ADGRG2: variants seen among roughly 807,000 people sequenced by gnomAD.
The protein encoded by ADGRG2 is adhesion G protein-coupled receptor G2, also known as G protein-coupled receptor 64.
Under a neutral mutation model 74.1 loss-of-function variants are expected in ADGRG2, and 26 were observed. That is an observed-to-expected ratio of 0.35 (90% CI 0.26 to 0.49). The LOEUF is 0.49. Ranked by LOEUF, ADGRG2 falls within the 20% of genes least tolerant of loss-of-function variation. The pLI, the probability that ADGRG2 is intolerant of heterozygous loss-of-function variation, is 0.99. For synonymous variants in ADGRG2, 296 were observed against 295.2 expected (o/e 1.00, Z -0.03); for missense variants, 619 against 763.1 (o/e 0.81, Z 2.22).
At chrX:19,111,129 G>A (rs1026315530) in intron 1 of ADGRG2, among the ~76,000 whole-genome samples, 6 of 111,731 alleles carry the variant, frequency 5.4e-5, no homozygotes, top group Non-Finnish European at 9.4e-5. Flanking sequence ...GAGCCTGAAC[G>A]ATGGAGTGAA....
In ADGRG2 at chrX:18,999,032, A is replaced by G; in HGVS notation, c.2578T>C (p.Phe860Leu). 1 of 1,207,884 alleles carries G rather than the reference A, an allele frequency of 8.3e-7. No homozygotes were observed. The highest frequency in any genetic ancestry group is 1.1e-6 in the Non-Finnish European group (1 of 892,302). Residue 860 changes from phenylalanine to leucine, a missense_variant, in exon 26 of 29, where the codon TTC (phenylalanine) becomes CTC (leucine). Coordinates refer to ENST00000379869, the MANE Select transcript of ADGRG2 (RefSeq NM_001079858.3). ...TTAAAGATGGCAAACAGATACATGA[A>G]GGTCACGTTAACTGGTCCCCAGGCA... ...FFAWGPVNVT[F>L]MYLFAIFNTL...
At chrX:19,075,617 C>CAAAAAAAAAAAA (rs61690480) in intron 2 of ADGRG2, among the ~76,000 whole-genome samples, 14 of 39,373 alleles carry the variant, frequency 3.6e-4, no homozygotes, top group Non-Finnish European at 4.4e-4. Flanking sequence ...GACTTCGCCT[C>CAAAAAAAAAAAA]AAAAAAAAAA....
chrX:19,027,182 A>T, intron 11 of ADGRG2, 37 bp downstream of exon 11: 1 of 907,610 alleles, frequency 1.1e-6, no homozygotes, highest in Non-Finnish European at 1.6e-6. Context: ...TCCATAGTTG[A>T]TGTCTGCAGT....
At chrX:19,054,769 C>T (rs112483845) in intron 3 of ADGRG2, among the ~76,000 whole-genome samples, 2 of 112,162 alleles carry the variant, frequency 1.8e-5, no homozygotes, top group African/African-American at 3.2e-5. Flanking sequence ...TTCTAATTAA[C>T]GTGGGACAGA....
chrX:19,097,361 A>C (rs2062114704), intron 1 of ADGRG2, among the ~76,000 whole-genome samples: 1 of 112,333 alleles, frequency 8.9e-6, no homozygotes, highest in Admixed American at 9.4e-5. Flanking sequence ...AAATACAAAA[A>C]TTAGCCAGGC....
intron 4 of ADGRG2, chrX:19,039,356 G>A (rs2061009161): frequency 3.1e-6 from 1 of 327,668 alleles, no homozygotes; most frequent in Non-Finnish European, 5.9e-6. Flanking sequence ...CAGATACATA[G>A]TAGTGCATGA....
At chrX:19,033,465 T>C (rs2060869615) in intron 8 of ADGRG2, 148 bp downstream of exon 8, 1 of 392,810 alleles carries the variant, frequency 2.5e-6, no homozygotes, top group Admixed American at 5.3e-5. Context: ...CAATTTCAGG[T>C]ACCCAGTGCA....
At chrX:19,032,004 T>G (rs747712442) in intron 8 of ADGRG2, 10 of 112,481 alleles carry the variant, frequency 8.9e-5, no homozygotes, top group Non-Finnish European at 1.5e-4. Flanking sequence ...TTGTTAGGTC[T>G]TGTTTGGTCA....
intron 27 of ADGRG2, 136 bp from the exon 28 acceptor site, chrX:18,995,184 G>A (rs1039565755): frequency 8.6e-5 from 37 of 430,008 alleles, no homozygotes; most frequent in Non-Finnish European, 4.4e-5. Context: ...CCTTCCACCA[G>A]TTGGTGTGAT....
At chrX:19,077,443 G>A (rs2061770410) in intron 2 of ADGRG2, among the ~76,000 whole-genome samples, 1 of 105,364 alleles carries the variant, frequency 9.5e-6, no homozygotes, top group African/African-American at 3.5e-5. Context: ...GAACCCAGGA[G>A]GCAGAGGTTG....
intron 1 of ADGRG2, among the ~76,000 whole-genome samples, chrX:19,101,101 T>TTGTGTGTGTGTGTGTG (rs10579733): frequency 2.2e-5 from 2 of 89,823 alleles, no homozygotes; most frequent in African/African-American, 8.2e-5. Context: ...AATCATGAGA[T>TTGTGTGTGTGTGTGTG]TGTGTGTGTG....
At chrX:19,120,695 G>C (rs991330372) in intron 1 of ADGRG2, among the ~76,000 whole-genome samples, 1 of 111,889 alleles carries the variant, frequency 8.9e-6, no homozygotes, top group East Asian at 2.8e-4. Flanking sequence ...AAATGAAAAG[G>C]AGAGGCCCCT....
intron 1 of ADGRG2, among the ~76,000 whole-genome samples, chrX:19,094,862 G>A (rs2147007695): frequency 8.9e-6 from 1 of 112,549 alleles, no homozygotes; most frequent in East Asian, 2.8e-4. Flanking sequence ...AGGGAACTTG[G>A]CTGCAGCCCC....
chrX:19,058,957 A>G (rs766753552), intron 3 of ADGRG2, among the ~76,000 whole-genome samples: 1 of 112,553 alleles, frequency 8.9e-6, no homozygotes, highest in African/African-American at 3.2e-5. Context: ...ATCACTCTTT[A>G]TCTTTATACA....
chrX:19,070,000 G>A (rs1036216509), intron 2 of ADGRG2, among the ~76,000 whole-genome samples: 1 of 112,090 alleles, frequency 8.9e-6, no homozygotes, highest in African/African-American at 3.2e-5. Context: ...GGGCTCGGGG[G>A]TCGCGGGCAA....
Position 19,037,627 on chromosome X carries a change from G to T in ADGRG2, c.164C>A (p.Ser55Tyr). The T allele has an allele frequency of 8.8e-7, 1 of 1,130,892 alleles. No homozygotes were observed. Among genetic ancestry groups the T allele is most frequent in the East Asian group, 3.1e-5 (1 of 31,835 alleles). 93.2% of individuals were successfully genotyped at this position (1,130,892 alleles called of 1,213,427 possible). ...GGAGGAGGGGGCAAAACTGACAACA[G>T]ATAATTTAGCTGCAGGAGAAAAAAA... is the stretch of plus-strand genomic sequence containing the variant. Reference protein sequence around the residue: ...SSLSPPPAKLSVVSFAPSSNG... With the variant: ...SSLSPPPAKLYVVSFAPSSNG... Residue 55 changes from serine to tyrosine, a missense_variant, in exon 5 of 29, where the codon TCT becomes TAT. Transcript: ENST00000379869.
At chrX:19,083,503 TG>T (rs1174008097) in intron 1 of ADGRG2, among the ~76,000 whole-genome samples, 1 of 110,989 alleles carries the variant, frequency 9.0e-6, no homozygotes, top group African/African-American at 3.3e-5. Context: ...CTAAACTCCT[TG>T]ATATCAAGGA....
rs2148069304 is a variant in ADGRG2 at position 18,990,582 on chromosome X, C to CT, written c.*281dup. 2 of 182,068 alleles carry CT rather than the reference C, an allele frequency of 1.1e-5. No homozygotes were observed. The highest frequency in any genetic ancestry group is 2.1e-4 in the East Asian group (2 of 9,445). The allele number at this position is 182,068 out of a possible 1,213,427, so 15.0% of individuals were successfully genotyped here. On this transcript the variant is annotated 3_prime_UTR_variant, in exon 29 of 29. Coordinates refer to ENST00000379869, the MANE Select transcript of ADGRG2 (RefSeq NM_001079858.3). ...TAAAAGGTAGCTGAAAGTTCACTAC[C>CT]TTTTTTTGTTTTCTTTATAGGAGTC...
chrX:19,096,667 G>A (rs1405566890), intron 1 of ADGRG2, among the ~76,000 whole-genome samples: 1 of 111,999 alleles, frequency 8.9e-6, no homozygotes, highest in East Asian at 2.8e-4. Flanking sequence ...AAAGGGAGGT[G>A]TAGGGAGGTG....
Sources: gnomAD v4.1 joint callset for allele counts (sites outside exome capture counted in the v4.1 genomes callset) on GRCh38, gnomAD v4.1.1 for gene constraint, MANE v1.5 for transcripts, NCBI Gene and HGNC (gene_info 2026-07-23, HGNC 2026-07-21) for gene names.